The following FOXP2 variants were observed in gnomAD, a reference collection of about 807,000 sequenced individuals.
FOXP2 encodes the protein forkhead box P2.
FOXP2 carries 12 observed loss-of-function variants against 115.8 expected under a neutral mutation model. That is an observed-to-expected ratio of 0.10 (90% CI 0.07 to 0.17). The LOEUF (loss-of-function observed/expected upper bound fraction) is 0.17. FOXP2 is among the 10% of genes least tolerant of loss of function. The probability of loss-of-function intolerance (pLI) is 1.00; values close to 1 mark genes in which losing one functional copy is unlikely to be tolerated. For synonymous variants in FOXP2, 328 were observed against 297.7 expected (o/e 1.10, Z -1.05); for missense variants, 629 against 843.5 (o/e 0.75, Z 3.15).
chr7:114,417,033 C>T (rs1793379788), intron 1 of FOXP2, among the ~76,000 whole-genome samples: 1 of 151,694 alleles, frequency 6.6e-6, no homozygotes. Context: ...CTTTATTATT[C>T]ATGAAGGCAA....
chr7:114,444,713 A>G (rs994893215), intron 2 of FOXP2, among the ~76,000 whole-genome samples: 9 of 152,170 alleles, frequency 5.9e-5, no homozygotes, highest in African/African-American at 2.2e-4. Flanking sequence ...TTTAAGATTG[A>G]TGACTGTATA....
At chr7:114,165,638 G>A (rs1792960345) in intron 1 of FOXP2, among the ~76,000 whole-genome samples, 1 of 152,132 alleles carries the variant, frequency 6.6e-6, no homozygotes, top group Non-Finnish European at 1.5e-5. Context: ...AATAAATGGA[G>A]AGATAGTCCC....
At chr7:114,268,685 A>G (rs1409714832) in intron 1 of FOXP2, among the ~76,000 whole-genome samples, 1 of 146,518 alleles carries the variant, frequency 6.8e-6, no homozygotes, top group East Asian at 2.0e-4. Context: ...CGATTGGTGA[A>G]GTCTATACTC....
chr7:114,308,187 TAGA>T (rs945169642), intron 2 of FOXP2, among the ~76,000 whole-genome samples: 4 of 152,160 alleles, frequency 2.6e-5, no homozygotes, highest in Non-Finnish European at 5.9e-5. Context: ...AAGATGGGAA[TAGA>T]AGAAGAACTT....
Position 114,671,939 on chromosome 7 carries a change from C to T in FOXP2, c.2003+7503C>T, listed in dbSNP as rs139681754. On this transcript the variant is annotated intron_variant, in intron 16 of 16. Coordinates refer to ENST00000350908, the MANE Select transcript of FOXP2 (RefSeq NM_014491.4). ...TAACATTTACCACTCACAGAAGTAACATGTTATACTTGAATATTTCAACAC... is the reference window on the plus strand; with the variant it reads ...TAACATTTACCACTCACAGAAGTAATATGTTATACTTGAATATTTCAACAC... 6.2e-4 allele frequency among the ~76,000 whole-genome samples: 95 copies of T among 152,260 alleles called. 1 individual carries two copies. The highest frequency in any genetic ancestry group is 9.6e-4 in the East Asian group (5 of 5,182).
At chr7:114,191,390 T>G (rs1414513987) in intron 1 of FOXP2, among the ~76,000 whole-genome samples, 2 of 152,168 alleles carry the variant, frequency 1.3e-5, no homozygotes, top group Non-Finnish European at 2.9e-5. Flanking sequence ...TGAAAGTATT[T>G]AACTTTACAT....
chr7:114,229,901 GAAAT>G, intron 1 of FOXP2, among the ~76,000 whole-genome samples: 1 of 151,552 alleles, frequency 6.6e-6, no homozygotes, highest in Non-Finnish European at 1.5e-5. Context: ...GGTTACAGCA[GAAAT>G]AAATAGAGAC....
chr7:114,259,662 GTGA>G (rs1795699231), intron 1 of FOXP2, among the ~76,000 whole-genome samples: 1 of 152,164 alleles, frequency 6.6e-6, no homozygotes, highest in Non-Finnish European at 1.5e-5. Context: ...AGCAGAAGCA[GTGA>G]TAATAGCTGG....
chr7:114,690,901 T>C lies in FOXP2; in HGVS notation c.*975T>C, dbSNP rs1243915476. On this transcript the variant is annotated 3_prime_UTR_variant, in exon 17 of 17. Transcript: ENST00000350908. ...CCTCTGGGATCTTTTCATTTAGCCC[T>C]AAACAAAGAAACAAATATGACAAAA... 2.2e-6 allele frequency: 1 copy of C among 454,476 alleles called. No individual in the cohort carries two copies. The highest frequency in any genetic ancestry group is 2.3e-5 in the Admixed American group (1 of 42,558). 28.2% of individuals were successfully genotyped at this position (454,476 alleles called of 1,614,324 possible). A position where few individuals can be genotyped will look rare whatever the true frequency, so the allele number is the denominator to read the frequency against.
At chr7:114,178,524 A>G (rs1363209728) in intron 1 of FOXP2, among the ~76,000 whole-genome samples, 1 of 151,934 alleles carries the variant, frequency 6.6e-6, no homozygotes, top group Admixed American at 6.6e-5. Context: ...AGTTGCTCCC[A>G]TTGAATTTTA....
In FOXP2 at chr7:114,103,863, A is replaced by C. The variant is rs146320883; in HGVS notation, c.-247+16025A>C. On this transcript the variant is annotated intron_variant, in intron 1 of 19. Coordinates refer to the FOXP2 transcript ENST00000635638. ...ATTTTGTGATTTTTGACTTCCAACT[A>C]ACCCATAATAGCCATTCCTTCAATC... Among the ~76,000 whole-genome samples, 576 of 152,136 alleles carry C rather than the reference A, an allele frequency of 3.8e-3. 5 individuals are homozygous for C. The highest frequency in any genetic ancestry group is 0.012 in the African/African-American group (517 of 41,552).
intron 6 of FOXP2, among the ~76,000 whole-genome samples, chr7:114,642,105 C>G (rs1805567964): frequency 6.6e-6 from 1 of 151,934 alleles, no homozygotes; most frequent in South Asian, 2.1e-4. Context: ...CATGCCTGGC[C>G]CTAGTTCAAT....
chr7:114,430,987 C>A (rs1794082881), intron 2 of FOXP2, among the ~76,000 whole-genome samples: 2 of 151,774 alleles, frequency 1.3e-5, no homozygotes, highest in South Asian at 4.2e-4. Context: ...ACACTTTTTT[C>A]ATAGAAATGG....
At chr7:114,209,510 A>C (rs1349547008) in intron 1 of FOXP2, among the ~76,000 whole-genome samples, 1 of 152,168 alleles carries the variant, frequency 6.6e-6, no homozygotes, top group African/African-American at 2.4e-5. Flanking sequence ...TTCTATTGAA[A>C]GGTCCACTTT....
At chr7:114,101,976 T>A (rs1790979936) in intron 1 of FOXP2, among the ~76,000 whole-genome samples, 1 of 151,532 alleles carries the variant, frequency 6.6e-6, no homozygotes. Context: ...TTCTGTTTCA[T>A]CTCAGTTATC....
At chr7:114,587,882 T>TATAATAAG (rs1401649414) in intron 3 of FOXP2, among the ~76,000 whole-genome samples, 11,365 of 58,702 alleles carry the variant, frequency 0.19, 3,096 homozygotes, top group East Asian at 0.42. Context: ...GATAATTAAA[T>TATAATAAG]CCACCTTTCT....
chr7:114,575,458 T>C lies in FOXP2; in HGVS notation c.258+40752T>C, dbSNP rs576426725. On this transcript the variant is annotated intron_variant, in intron 3 of 16. Coordinates refer to ENST00000350908, the MANE Select transcript of FOXP2 (RefSeq NM_014491.4). ...TACCTTGGGTCACGGCCAAGACAGA[T>C]GGCAGTGTTATCCACTGAGAGGAGT... is the stretch of plus-strand genomic sequence containing the variant. Among the ~76,000 whole-genome samples the C allele has an allele frequency of 2.6e-5, 4 of 151,958 alleles. No individual in the cohort carries two copies. The East Asian group carries it at 5.8e-4, about 22-fold the overall frequency.
intron 2 of FOXP2, among the ~76,000 whole-genome samples, chr7:114,389,456 G>C (rs1412043932): frequency 6.6e-6 from 1 of 152,196 alleles, no homozygotes; most frequent in Non-Finnish European, 1.5e-5. Context: ...CAAATTTTAA[G>C]GTTGGCAGCG....
At chr7:114,433,760 AC>A (rs145094398) in intron 2 of FOXP2, among the ~76,000 whole-genome samples, 24 of 152,126 alleles carry the variant, frequency 1.6e-4, no homozygotes, top group African/African-American at 5.5e-4. Context: ...CAGTTATTTG[AC>A]AACTAAAAGC....
Sources: gnomAD v4.1 joint callset for allele counts (sites outside exome capture counted in the v4.1 genomes callset) on GRCh38, gnomAD v4.1.1 for gene constraint, MANE v1.5 for transcripts, NCBI Gene and HGNC (gene_info 2026-07-23, HGNC 2026-07-21) for gene names.